Variants in BRD1 observed in about 807,000 individuals in gnomAD.
BRD1 encodes the protein bromodomain-containing protein 1.
A neutral mutation model predicts 107.7 loss-of-function variants in BRD1; 24 were observed. The observed-to-expected ratio is 0.22, with a 90% CI of 0.16 to 0.31. BRD1 has a LOEUF of 0.31. Among genes scored for constraint, BRD1 ranks in the 10% least tolerant of loss-of-function variants. BRD1 has a pLI of 1.00. For synonymous variants in BRD1, 744 were observed against 686.1 expected, an observed-to-expected ratio of 1.08 and a Z score of -1.32; for missense variants, 1,279 against 1,638.6, an observed-to-expected ratio of 0.78 and a Z score of 3.79.
In BRD1 at chr22:49,775,583, C is replaced by A; in HGVS notation, c.3386+8G>T. Reference sequence around the variant, plus strand: ...CCGGTCCCCGGAGTCTAAGGCCTCTCAACTCACCAACTTCTCTTATTATCA... The same window carrying A: ...CCGGTCCCCGGAGTCTAAGGCCTCTAAACTCACCAACTTCTCTTATTATCA... On this transcript the variant is annotated splice_region_variant and intron_variant, in intron 12 of 12. Coordinates refer to ENST00000404760, the MANE Select transcript of BRD1 (RefSeq NM_001304808.3). The A allele has an allele frequency of 1.2e-6, 2 of 1,600,872 alleles. No homozygotes were observed. Among genetic ancestry groups the A allele is most frequent in the Admixed American group, 1.7e-5 (1 of 59,572 alleles).
Position 49,817,459 on chromosome 22 carries a change from C to T in BRD1, c.1367+5492G>A, listed in dbSNP as rs1486932943. On this transcript the variant is annotated intron_variant, in intron 2 of 12. Coordinates refer to ENST00000404760, the MANE Select transcript of BRD1 (RefSeq NM_001304808.3). Reference sequence around the variant, plus strand: ...CAAGACAGGAGATCCAGACAAACTCCATCATGTGCACCAAGCCCAAGCTCA... The same window carrying T: ...CAAGACAGGAGATCCAGACAAACTCTATCATGTGCACCAAGCCCAAGCTCA... 2.0e-5 allele frequency: 3 copies of T among 153,268 alleles called. No homozygotes were observed. The South Asian group carries it at 5.9e-4, about 30-fold the overall frequency. The allele number at this position is 153,268 out of a possible 1,614,324, so 9.5% of individuals were successfully genotyped here.
intron 8 of BRD1, among the ~76,000 whole-genome samples, chr22:49,786,113 C>T (rs978607040): frequency 1.3e-5 from 2 of 151,846 alleles, no homozygotes; most frequent in African/African-American, 4.8e-5. Context: ...GGCACCACGG[C>T]ACACCAGCAC....
intron 2 of BRD1, among the ~76,000 whole-genome samples, chr22:49,810,463 G>A (rs2059829201): frequency 6.6e-6 from 1 of 152,196 alleles, no homozygotes. Flanking sequence ...AGCAACCGAA[G>A]AGAAAGCAGA....
At chr22:49,813,619 G>A (rs1340506763) in intron 2 of BRD1, among the ~76,000 whole-genome samples, 1 of 151,650 alleles carries the variant, frequency 6.6e-6, no homozygotes, top group East Asian at 2.0e-4. Flanking sequence ...ATCACTTGAG[G>A]TCAAGAGTTC....
At chr22:49,809,322 A>G (rs1055820705) in intron 2 of BRD1, among the ~76,000 whole-genome samples, 4 of 151,976 alleles carry the variant, frequency 2.6e-5, no homozygotes, top group Non-Finnish European at 5.9e-5. Context: ...CAGGTGGATC[A>G]TGAGGTCAGG....
chr22:49,787,309 C>T (rs570294449), intron 8 of BRD1, 81 bp downstream of exon 8: 4 of 1,138,234 alleles, frequency 3.5e-6, no homozygotes, highest in South Asian at 3.1e-5. Flanking sequence ...ACCCCCCCCC[C>T]CCCGTCACAC....
In BRD1 at chr22:49,797,825, C is replaced by T. The variant is rs773309462; in HGVS notation, c.2078G>A (p.Arg693Gln). 11 of 1,602,384 alleles carry T rather than the reference C, an allele frequency of 6.9e-6. No homozygotes were observed. Among genetic ancestry groups the T allele is most frequent in the Admixed American group, 1.7e-5 (1 of 59,234 alleles). Residue 693 changes from arginine (R) to glutamine (Q), a missense_variant, in exon 6 of 13, where the codon CGG (arginine) becomes CAG (glutamine). Transcript: ENST00000404760. Reference sequence around the variant, plus strand: ...CTTACCGTCTTCCCAGGAGAAAGGCCGCCGCGGTGCCGCAGCAGGCCGCTC... The same window carrying T: ...CTTACCGTCTTCCCAGGAGAAAGGCTGCCGCGGTGCCGCAGCAGGCCGCTC... Reference protein sequence around the residue: ...LPERPAAAPRRPFSWEDVDRL... With the variant: ...LPERPAAAPRQPFSWEDVDRL...
chr22:49,782,183 G>A (rs1038362642), intron 8 of BRD1, among the ~76,000 whole-genome samples: 5 of 148,368 alleles, frequency 3.4e-5, no homozygotes, highest in African/African-American at 7.5e-5. Flanking sequence ...CAATGCAGCC[G>A]GGGACGGTCA....
rs1239489891 is a variant in BRD1 at position 49,823,032 on chromosome 22, T to C, written c.1286A>G (p.Lys429Arg). 6.2e-7 allele frequency: 1 copy of C among 1,614,222 alleles called. No homozygotes were observed. Among genetic ancestry groups the C allele is most frequent in the Non-Finnish European group, 8.5e-7 (1 of 1,180,042 alleles). Residue 429 changes from lysine to arginine, a missense_variant, in exon 2 of 13, where the codon AAG becomes AGG. Around this residue, in one of 7 missense-constraint regions of BRD1, gnomAD observed 87 missense variants for 77.1 expected, o/e 1.13. Transcript: ENST00000404760. ...CAGAGCTTTCTTAGCCTTTTTTGCC[T>C]TCTTCCTGACCTTGGATGTGGACCT... ...TVRSTSKVRK[K>R]AKKAKKALAE...
chr22:49,800,981 G>GC (rs2059630158), intron 3 of BRD1, among the ~76,000 whole-genome samples: 1 of 152,346 alleles, frequency 6.6e-6, no homozygotes, highest in African/African-American at 2.4e-5. Context: ...TTACAGAGTG[G>GC]CCGACCCCAG....
At chr22:49,804,044 C>T (rs961332863) in intron 3 of BRD1, among the ~76,000 whole-genome samples, 160 bp downstream of exon 3, 6 of 152,220 alleles carry the variant, frequency 3.9e-5, no homozygotes, top group Non-Finnish European at 7.3e-5. Flanking sequence ...CCAGTGCACC[C>T]GACTCCTCCT....
Position 49,778,464 on chromosome 22 carries a change from C to T in BRD1, c.2858-651G>A, listed in dbSNP as rs1416827415. 3.9e-5 allele frequency among the ~76,000 whole-genome samples: 6 copies of T among 152,234 alleles called. No individual in the cohort carries two copies. The South Asian group carries it at 1.0e-3, about 26-fold the overall frequency. ...CTGTACACAGCTAAACAAAACACCACTCACAATTCCATCATCTCAATGTTT... is the reference window on the plus strand; with the variant it reads ...CTGTACACAGCTAAACAAAACACCATTCACAATTCCATCATCTCAATGTTT... On this transcript the variant is annotated intron_variant, in intron 8 of 12. Coordinates refer to ENST00000404760, the MANE Select transcript of BRD1 (RefSeq NM_001304808.3).
Position 49,814,809 on chromosome 22 carries a change from G to C in BRD1, c.1367+8142C>G, listed in dbSNP as rs972085307. 1.2e-4 allele frequency among the ~76,000 whole-genome samples: 19 copies of C among 152,160 alleles called. 1 individual carries two copies. Among genetic ancestry groups the C allele is most frequent in the African/African-American group, 4.3e-4 (18 of 41,434 alleles). On this transcript the variant is annotated intron_variant, in intron 2 of 12. Coordinates refer to ENST00000404760, the MANE Select transcript of BRD1 (RefSeq NM_001304808.3). ...CTGCCCCGCTGTCCCCAGTAGTAAA[G>C]AAAACTTCACATAAATTTTCAACCC...
rs542931877 is a variant in BRD1, at chr22:49,782,211, C to T, written c.2858-4398G>A. On this transcript the variant is annotated intron_variant, in intron 8 of 12. Transcript: ENST00000404760. Reference sequence around the variant, plus strand: ...GACGGTCAGAGACAGACCCAAGGCCCATGTTGCTGGGACCCGCTCCGTGAC... The same window carrying T: ...GACGGTCAGAGACAGACCCAAGGCCTATGTTGCTGGGACCCGCTCCGTGAC... 3.6e-4 allele frequency among the ~76,000 whole-genome samples: 52 copies of T among 146,364 alleles called. No individual in the cohort carries two copies. The South Asian group carries it at 7.0e-3, about 20-fold the overall frequency.
At chr22:49,804,167 A>C in intron 3 of BRD1, 37 bp downstream of exon 3, 2 of 1,524,414 alleles carry the variant, frequency 1.3e-6, no homozygotes, top group South Asian at 2.5e-5. Context: ...TGGGGGTGAG[A>C]GACGCAGAAA....
chr22:49,785,982 C>T (rs550796442), intron 8 of BRD1, among the ~76,000 whole-genome samples: 1 of 152,268 alleles, frequency 6.6e-6, no homozygotes, highest in Admixed American at 6.5e-5. Context: ...TCTTGCCCAC[C>T]ACAGCCTTCC....
intron 8 of BRD1, among the ~76,000 whole-genome samples, chr22:49,786,264 G>C (rs945966591): frequency 6.6e-6 from 1 of 152,208 alleles, no homozygotes; most frequent in Admixed American, 6.5e-5. Flanking sequence ...CTGGCAACCT[G>C]AGCCGGCACC....
At position 49,792,178 on chromosome 22, in the gene BRD1, A is replaced by T. The variant is rs1218160875; in HGVS notation, c.2359+1856T>A. Among the ~76,000 whole-genome samples, 1 of 64,998 alleles carries T rather than the reference A, an allele frequency of 1.5e-5. No homozygotes were observed. Among genetic ancestry groups the T allele is most frequent in the East Asian group, 2.9e-4 (1 of 3,474 alleles). 42.6% of individuals were successfully genotyped at this position (64,998 alleles called of 152,430 possible). ...AATGGCAATGGAGGAAGCCACTGAT[A>T]AAAAAAAAAAGCTAAAAAGGTAACT... is the stretch of plus-strand genomic sequence containing the variant. On this transcript the variant is annotated intron_variant, in intron 7 of 12. Transcript: ENST00000404760. The surrounding 1 kb of genome is among the most constrained non-coding windows in gnomAD (Gnocchi z 4.2).
intron 1 of BRD1, among the ~76,000 whole-genome samples, chr22:49,826,498 G>A (rs909552871): frequency 2.6e-5 from 4 of 152,236 alleles, no homozygotes; most frequent in African/African-American, 9.6e-5. Flanking sequence ...AGCTTCTCAA[G>A]GAATAATTCC....
Sources: allele counts gnomAD v4.1 joint callset (sites outside exome capture counted in the v4.1 genomes callset), GRCh38; gene constraint gnomAD v4.1.1; regional missense constraint gnomAD v4.1.1; non-coding constraint Gnocchi (gnomAD v3.1); transcripts MANE v1.5; gene names NCBI Gene and HGNC (gene_info 2026-07-23, HGNC 2026-07-21).